Variants in CEP85L observed in about 807,000 individuals in gnomAD.
CEP85L encodes the protein centrosomal protein of 85 kDa-like.
A neutral mutation model predicts 100.3 loss-of-function variants in CEP85L; 60 were observed. The observed-to-expected ratio is 0.60, with a 90% CI of 0.49 to 0.74. CEP85L has a LOEUF of 0.74. Among genes scored for constraint, CEP85L ranks in the 30% least tolerant of loss-of-function variants. CEP85L has a pLI of 0.00. For missense variants in CEP85L, 973 were observed against 936.2 expected (o/e 1.04, Z -0.51); for synonymous variants, 319 against 322.7 (o/e 0.99, Z 0.12).
chr6:118,632,408 C>T (rs761506658), intron 2 of CEP85L, 45 bp downstream of exon 2: 7 of 1,452,096 alleles, frequency 4.8e-6, no homozygotes, highest in African/African-American at 2.8e-5. Context: ...GTACCACAAC[C>T]ACTCTTCAAA....
chr6:118,647,987 C>T (rs1345301498), intron 1 of CEP85L, among the ~76,000 whole-genome samples: 3 of 152,248 alleles, frequency 2.0e-5, no homozygotes, highest in Admixed American at 1.3e-4. Context: ...GGCGCGGTTA[C>T]TCATGCCTGT....
At chr6:118,580,083 A>C (rs977600720) in intron 2 of CEP85L, among the ~76,000 whole-genome samples, 1 of 152,176 alleles carries the variant, frequency 6.6e-6, no homozygotes, top group African/African-American at 2.4e-5. Flanking sequence ...ACTCTATGCA[A>C]ATCAGACACC....
rs1188584231 is a variant in CEP85L, at chr6:118,463,116, T to C, written c.*2289A>G. On this transcript the variant is annotated 3_prime_UTR_variant, in exon 13 of 13. Coordinates refer to ENST00000368491, the MANE Select transcript of CEP85L (RefSeq NM_001042475.3). ...AATTTTTTAACTTTGGAATTTTATT[T>C]TTAAGATACGTGAATTAAATTACTT... is the stretch of plus-strand genomic sequence containing the variant. 1 of 151,988 alleles carries C rather than the reference T, an allele frequency of 6.6e-6. No homozygotes were observed. The highest frequency in any genetic ancestry group is 1.5e-5 in the Non-Finnish European group (1 of 67,878). 9.4% of individuals were successfully genotyped at this position (151,988 alleles called of 1,614,324 possible).
At chr6:118,521,857 T>C (rs1355061444) in intron 4 of CEP85L, among the ~76,000 whole-genome samples, 1 of 152,102 alleles carries the variant, frequency 6.6e-6, no homozygotes, top group African/African-American at 2.4e-5. Flanking sequence ...GCAACTTGAG[T>C]TATTTTGAAT....
intron 1 of CEP85L, among the ~76,000 whole-genome samples, chr6:118,650,755 C>A (rs1324642134): frequency 6.6e-6 from 1 of 152,146 alleles, no homozygotes; most frequent in African/African-American, 2.4e-5. Context: ...CGGGAGGGCG[C>A]GGAACTGCGG....
chr6:118,579,210 A>C (rs1233355492), intron 2 of CEP85L, among the ~76,000 whole-genome samples: 1 of 152,170 alleles, frequency 6.6e-6, no homozygotes, highest in African/African-American at 2.4e-5. Context: ...AGCTGTTTTT[A>C]AAAATCAAAA....
rs577891561 is a variant in CEP85L at position 118,503,008 on chromosome 6, C to T, written c.1257+8290G>A. On this transcript the variant is annotated intron_variant, in intron 5 of 12. Coordinates refer to ENST00000368491, the MANE Select transcript of CEP85L (RefSeq NM_001042475.3). ...ACTTAAAAACGCTTTCACAAGATAT[C>T]AAATATTTGTAAATTGTGCTTTTAA... 1.3e-4 allele frequency: 32 copies of T among 242,504 alleles called. 1 individual carries two copies. Among genetic ancestry groups the T allele is most frequent in the African/African-American group, 7.2e-4 (32 of 44,424 alleles). 15.0% of individuals were successfully genotyped at this position (242,504 alleles called of 1,614,324 possible).
rs375792041 is a variant in CEP85L at position 118,565,635 on chromosome 6, C to T, written c.914G>A (p.Arg305Gln). 3.7e-6 allele frequency: 6 copies of T among 1,614,044 alleles called. No individual in the cohort carries two copies. In the African/African-American group the frequency reaches 4.0e-5, roughly 11 times the overall value. Residue 305 changes from arginine (R) to glutamine (Q), a missense_variant, in exon 3 of 13, where the codon CGG (arginine) becomes CAG (glutamine). Arg to Gln is a conservative substitution (Grantham distance 43). Transcript: ENST00000368491. The stretch of plus-strand genomic sequence containing the variant: ...ATTTCTACCTTCCAAAGGATTTGTC[C>T]GCAGCTGCTCTGTAAGCCACATCTG... ...RTQMWLTEQL[R>Q]TNPLEGRNTE...
intron 3 of CEP85L, among the ~76,000 whole-genome samples, chr6:118,528,533 A>T (rs991823377): frequency 4.6e-5 from 7 of 152,206 alleles, no homozygotes; most frequent in African/African-American, 1.4e-4. Flanking sequence ...CAATATATTT[A>T]AAATTTACCA....
At position 118,468,587 on chromosome 6, in the gene CEP85L, A is replaced by G. The variant is rs1772706436; in HGVS notation, c.2254+485T>C. On this transcript the variant is annotated intron_variant, in intron 12 of 12. Transcript: ENST00000368491. Reference sequence around the variant, plus strand: ...CACATTAAGCCAGCAGGTACGCATGACAAAGGCAACAGATTTGTAGGCTGT... The same window carrying G: ...CACATTAAGCCAGCAGGTACGCATGGCAAAGGCAACAGATTTGTAGGCTGT... 5.3e-5 allele frequency among the ~76,000 whole-genome samples: 8 copies of G among 152,348 alleles called. No homozygotes were observed. In the South Asian group the frequency reaches 1.7e-3, roughly 32 times the overall value.
Position 118,465,199 on chromosome 6 carries a change from C to G in CEP85L, c.*206G>C, listed in dbSNP as rs947499276. 1 of 468,752 alleles carries G rather than the reference C, an allele frequency of 2.1e-6. No individual in the cohort carries two copies. Among genetic ancestry groups the G allele is most frequent in the Non-Finnish European group, 3.7e-6 (1 of 267,088 alleles). 29.0% of individuals were successfully genotyped at this position (468,752 alleles called of 1,614,324 possible). ...TCCTTGTAGATTTTATCATATTTTC[C>G]AAAGGTAATTTGATTTTTTTTCTTT... is the stretch of plus-strand genomic sequence containing the variant. On this transcript the variant is annotated 3_prime_UTR_variant, in exon 13 of 13. Transcript: ENST00000368491.
chr6:118,480,102 T>C (rs1437516077), intron 9 of CEP85L, among the ~76,000 whole-genome samples, 181 bp from the exon 10 acceptor site: 5 of 152,136 alleles, frequency 3.3e-5, no homozygotes, highest in Admixed American at 2.6e-4. Flanking sequence ...AGTCTTCCTC[T>C]AGTTCTCAAT....
chr6:118,607,746 C>CCA (rs1389506877), intron 2 of CEP85L, among the ~76,000 whole-genome samples: 7 of 152,120 alleles, frequency 4.6e-5, no homozygotes, highest in African/African-American at 1.7e-4. Flanking sequence ...CACTACTTAC[C>CCA]CAAAGTTGTC....
intron 6 of CEP85L, among the ~76,000 whole-genome samples, chr6:118,486,944 C>T (rs936908450): frequency 6.6e-6 from 1 of 152,026 alleles, no homozygotes; most frequent in Non-Finnish European, 1.5e-5. Context: ...ACATGCCAGG[C>T]ACCATGAATG....
chr6:118,543,417 G>C (rs1205915390), intron 3 of CEP85L, among the ~76,000 whole-genome samples: 1 of 151,892 alleles, frequency 6.6e-6, no homozygotes, highest in East Asian at 1.9e-4. Flanking sequence ...CCTTCTAAGG[G>C]ATAAACAGTG....
intron 1 of CEP85L, among the ~76,000 whole-genome samples, chr6:118,659,104 G>A (rs1295039810): frequency 6.6e-6 from 1 of 152,068 alleles, no homozygotes; most frequent in African/African-American, 2.4e-5. Context: ...TATAGTAATT[G>A]ACACTAGTTT....
chr6:118,598,976 A>G (rs1035766351), intron 2 of CEP85L, among the ~76,000 whole-genome samples: 22 of 152,236 alleles, frequency 1.4e-4, no homozygotes, highest in Admixed American at 6.5e-5. Context: ...AGTCAAAGAC[A>G]TCATAAGGAA....
chr6:118,569,143 C>T (rs140579416), intron 2 of CEP85L, among the ~76,000 whole-genome samples: 128 of 151,702 alleles, frequency 8.4e-4, no homozygotes, highest in African/African-American at 3.0e-3. Context: ...GAGTTCAAGA[C>T]CACCTTCACC....
intron 12 of CEP85L, among the ~76,000 whole-genome samples, chr6:118,466,323 A>G (rs1772516649): frequency 6.6e-6 from 1 of 152,206 alleles, no homozygotes; most frequent in South Asian, 2.1e-4. Flanking sequence ...AGTGACTGTT[A>G]TTTTAACAAA....
Sources: gnomAD v4.1 joint callset for allele counts (sites outside exome capture counted in the v4.1 genomes callset) on GRCh38, gnomAD v4.1.1 for gene constraint, MANE v1.5 for transcripts, NCBI Gene and HGNC (gene_info 2026-07-23, HGNC 2026-07-21) for gene names.